The following ABCA3 variants were observed in gnomAD, a reference collection of about 807,000 sequenced individuals.
The protein encoded by ABCA3 is phospholipid-transporting ATPase ABCA3.
A neutral mutation model predicts 172.8 loss-of-function variants in ABCA3; 88 were observed. That is an observed-to-expected ratio of 0.51 (90% CI 0.43 to 0.61). ABCA3 has a LOEUF of 0.61. Ranked by LOEUF, ABCA3 falls within the 20% of genes least tolerant of loss-of-function variation. The pLI is 0.00. For missense variants in ABCA3, 2,164 were observed against 2,301.0 expected (o/e 0.94, Z 1.22); for synonymous variants, 1,066 against 983.8 (o/e 1.08, Z -1.56).
At chr16:2,295,254 C>T (rs932769412) in intron 18 of ABCA3, among the ~76,000 whole-genome samples, 3 of 152,190 alleles carry the variant, frequency 2.0e-5, no homozygotes, top group African/African-American at 2.4e-5. Context: ...CTCGGTTTCA[C>T]GAGTAGTTCT....
chr16:2,280,176 C>T (rs1024110907), intron 28 of ABCA3, among the ~76,000 whole-genome samples: 5 of 152,244 alleles, frequency 3.3e-5, no homozygotes, highest in African/African-American at 9.6e-5. Flanking sequence ...CTCACCCTCT[C>T]CTCCATTGCT....
Position 2,308,422 on chromosome 16 carries a change from G to C in ABCA3, c.1285+28C>G, listed in dbSNP as rs779407914. On this transcript the variant is annotated intron_variant, in intron 11 of 32. Coordinates refer to ENST00000301732, the MANE Select transcript of ABCA3 (RefSeq NM_001089.3). ...CTCTCGAAGGTTACTGATTCGGAAA[G>C]AACAGGCTGGACAAGGCAAACACTC... 4.3e-6 allele frequency: 7 copies of C among 1,613,692 alleles called. No individual in the cohort carries two copies. In the Admixed American group the frequency reaches 5.0e-5, roughly 12 times the overall value.
chr16:2,339,983 C>A (rs2093757954), intron 1 of ABCA3, among the ~76,000 whole-genome samples: 1 of 152,276 alleles, frequency 6.6e-6, no homozygotes, highest in Admixed American at 6.5e-5. Context: ...GCTCCCCTTT[C>A]CCGTTCCCAC....
Position 2,317,682 on chromosome 16 carries a change from G to A in ABCA3, c.956C>T (p.Ala319Val), listed in dbSNP as rs2093718407. 2 of 1,614,252 alleles carry A rather than the reference G, an allele frequency of 1.2e-6. No individual in the cohort carries two copies. The highest frequency in any genetic ancestry group is 4.5e-5 in the East Asian group (2 of 44,884). Residue 319 changes from alanine (A) to valine (V), a missense_variant, in exon 9 of 33, where the codon GCC becomes GTC. Around this residue, in one of 3 missense-constraint regions of ABCA3, gnomAD observed 1,343 missense variants for 1,369.6 expected, o/e 0.98. Coordinates refer to ENST00000301732, the MANE Select transcript of ABCA3 (RefSeq NM_001089.3). Reference protein sequence around the residue: ...FLLFFLFLLIAASFMTLLFCV... With the variant: ...FLLFFLFLLIVASFMTLLFCV... ...GAAGAGCAGGGTCATGAAGGAGGCG[G>A]CGATGAGGAGGAAGAGGAAGAACAA...
At chr16:2,319,186 C>T (rs1409331240) in intron 8 of ABCA3, among the ~76,000 whole-genome samples, 1 of 151,760 alleles carries the variant, frequency 6.6e-6, no homozygotes, top group Non-Finnish European at 1.5e-5. Context: ...CCAGCCTTGG[C>T]AATATAGAAA....
chr16:2,323,565 GGTTT>G lies in ABCA3; in HGVS notation c.567_570del (p.Asn190GlnfsTer48). The G allele has an allele frequency of 6.2e-7, 1 of 1,614,160 alleles. No homozygotes were observed. The highest frequency in any genetic ancestry group is 8.5e-7 in the Non-Finnish European group (1 of 1,180,026). On this transcript the variant is annotated frameshift_variant, in exon 7 of 33. Transcript: ENST00000301732. LOFTEE classifies it high-confidence loss of function. ...GGGGATGTAGGTTCCCTTGGTCCTG[GGTTT>G]GGGAAAAGCGGGAAAAGGGAAGTAG...
Position 2,279,089 on chromosome 16 carries a change from C to A in ABCA3, c.4401G>T (p.Leu1467Phe). ...RIGYCPQFDALLDHMTGREML... is the reference protein window; with the variant it reads ...RIGYCPQFDAFLDHMTGREML... ...TCTCCCGGCCTGTCATGTGGTCCAG[C>A]AAGGCATCAAACTGCGGGCAGTAGC... The change falls in exon 29 of 33, where the codon TTG (leucine) becomes TTT (phenylalanine). Residue 1467 changes from leucine to phenylalanine, a missense_variant. Physicochemically the swap from Leu to Phe is conservative, Grantham distance 22. Around this residue, in one of 3 missense-constraint regions of ABCA3, gnomAD observed 795 missense variants for 881.9 expected, o/e 0.90. Coordinates refer to ENST00000301732, the MANE Select transcript of ABCA3 (RefSeq NM_001089.3). This position sits in a 1 kb window ranked among gnomAD's most constrained non-coding sequence, Gnocchi z 4.4. The A allele has an allele frequency of 6.2e-7, 1 of 1,612,684 alleles. No individual in the cohort carries two copies. The highest frequency in any genetic ancestry group is 8.5e-7 in the Non-Finnish European group (1 of 1,180,016).
At chr16:2,295,803 C>G in intron 17 of ABCA3, 63 bp from the exon 18 acceptor site, 1 of 1,609,562 alleles carries the variant, frequency 6.2e-7, no homozygotes, top group Non-Finnish European at 8.5e-7. Flanking sequence ...ATGCCCACCC[C>G]GGGGTCTCTA....
Position 2,277,779 on chromosome 16 carries a change from C to T in ABCA3, c.4909+100G>A. On this transcript the variant is annotated intron_variant, in intron 31 of 32. Coordinates refer to ENST00000301732, the MANE Select transcript of ABCA3 (RefSeq NM_001089.3). This position sits in a 1 kb window ranked among gnomAD's most constrained non-coding sequence, Gnocchi z 5.3. ...CGTCCCAGGGATTGGGGAGATGGGA[C>T]TTGGCGGGGCGAGGCACAGACGCTC... 3 of 1,591,674 alleles carry T rather than the reference C, an allele frequency of 1.9e-6. No homozygotes were observed. The highest frequency in any genetic ancestry group is 2.6e-6 in the Non-Finnish European group (3 of 1,168,068).
At chr16:2,302,719 A>C (rs143659664) in intron 12 of ABCA3, among the ~76,000 whole-genome samples, 12 of 152,128 alleles carry the variant, frequency 7.9e-5, no homozygotes, top group African/African-American at 2.9e-4. Context: ...TCCTGGCCTC[A>C]AGTCATCCTT....
rs765714461 is a variant in ABCA3 at position 2,278,384 on chromosome 16, G to A, written c.4622C>T (p.Pro1541Leu). ...GGCCACGGGGTCCATGCCAGTGGAC[G>A]GCTCGTCCAGGAAGATGACAGCAGG... ...GEPAVIFLDE[P>L]STGMDPVARR... Residue 1541 changes from proline (P) to leucine (L), a missense_variant, in exon 30 of 33, where the codon CCG (proline) becomes CTG (leucine). Pro to Leu is a moderately conservative substitution (Grantham distance 98). This residue lies in a region of ABCA3 where 795 missense variants were observed against 881.9 expected (regional missense o/e 0.90). Coordinates refer to ENST00000301732, the MANE Select transcript of ABCA3 (RefSeq NM_001089.3). This position sits in a 1 kb window ranked among gnomAD's most constrained non-coding sequence, Gnocchi z 4.4. 5 of 1,612,724 alleles carry A rather than the reference G, an allele frequency of 3.1e-6. No individual in the cohort carries two copies. Among genetic ancestry groups the A allele is most frequent in the Admixed American group, 1.7e-5 (1 of 60,028 alleles).
chr16:2,276,889 G>T, intron 32 of ABCA3, 84 bp from the exon 33 acceptor site: 1 of 1,564,684 alleles, frequency 6.4e-7, no homozygotes, highest in Non-Finnish European at 8.7e-7. Context: ...GGCAATAGGG[G>T]CTGATGAGGC....
Position 2,284,937 on chromosome 16 carries a change from AG to A in ABCA3, c.3544del (p.Leu1182CysfsTer17), listed in dbSNP as rs1360323164. On this transcript the variant is annotated frameshift_variant, in exon 24 of 33. Coordinates refer to ENST00000301732, the MANE Select transcript of ABCA3 (RefSeq NM_001089.3). LOFTEE classifies it high-confidence loss of function. This position sits in a 1 kb window ranked among gnomAD's most constrained non-coding sequence, Gnocchi z 5.9. ...FTRDGHMADTLLLLLLYGWAI... is the reference protein window; with the variant it reads ...FTRDGHMADTXLLLLLYGWAI... ...CCAGCCGTAGAGCAGGAGCAGCAGC[AG>A]GGTGTCAGCCATGTGGCCGTCCCGC... The A allele has an allele frequency of 6.2e-7, 1 of 1,613,820 alleles. No individual in the cohort carries two copies. The highest frequency in any genetic ancestry group is 8.5e-7 in the Non-Finnish European group (1 of 1,180,024).
At chr16:2,317,198 T>G in intron 10 of ABCA3, 85 bp downstream of exon 10, 1 of 1,592,112 alleles carries the variant, frequency 6.3e-7, no homozygotes, top group Non-Finnish European at 8.6e-7. Context: ...CCACTCTCCC[T>G]TCCGATCACA....
chr16:2,300,296 C>A (rs1418309121), intron 12 of ABCA3, 148 bp from the exon 13 acceptor site: 1 of 1,125,092 alleles, frequency 8.9e-7, no homozygotes, highest in African/African-American at 1.5e-5. Flanking sequence ...CAGGGAGAGC[C>A]CCAGAGAGTC....
In ABCA3 at chr16:2,281,530, C is replaced by T. The variant is rs1168723806; in HGVS notation, c.4036-21G>A. Reference sequence around the variant, plus strand: ...TCTGTCTGATTGACCAGGACAAAGACCGCATGCGTGAACCCAGCCGCAGGG... The same window carrying T: ...TCTGTCTGATTGACCAGGACAAAGATCGCATGCGTGAACCCAGCCGCAGGG... On this transcript the variant is annotated intron_variant, in intron 26 of 32. Coordinates refer to ENST00000301732, the MANE Select transcript of ABCA3 (RefSeq NM_001089.3). This position sits in a 1 kb window ranked among gnomAD's most constrained non-coding sequence, Gnocchi z 4.7. 6.2e-6 allele frequency: 10 copies of T among 1,611,492 alleles called. No individual in the cohort carries two copies. Among genetic ancestry groups the T allele is most frequent in the Non-Finnish European group, 6.8e-6 (8 of 1,179,192 alleles).
chr16:2,290,060 G>A (rs1342091446), intron 19 of ABCA3, among the ~76,000 whole-genome samples: 1 of 151,696 alleles, frequency 6.6e-6, no homozygotes, highest in Non-Finnish European at 1.5e-5. Context: ...GCAGGCAGGA[G>A]GCACCCCCCG....
At chr16:2,301,967 G>A (rs181844665) in intron 12 of ABCA3, among the ~76,000 whole-genome samples, 280 of 152,360 alleles carry the variant, frequency 1.8e-3, no homozygotes, top group Admixed American at 3.3e-3. Flanking sequence ...CACCTGGCCC[G>A]CCCAGGGCGG....
At chr16:2,331,178 C>T (rs1454815798) in intron 1 of ABCA3, among the ~76,000 whole-genome samples, 3 of 152,128 alleles carry the variant, frequency 2.0e-5, no homozygotes, top group South Asian at 2.1e-4. Flanking sequence ...AAAAAGACCC[C>T]TAAGCCCCAT....
Sources: allele counts gnomAD v4.1 joint callset (sites outside exome capture counted in the v4.1 genomes callset), GRCh38; gene constraint gnomAD v4.1.1; regional missense constraint gnomAD v4.1.1; non-coding constraint Gnocchi (gnomAD v3.1); transcripts MANE v1.5; gene names NCBI Gene and HGNC (gene_info 2026-07-23, HGNC 2026-07-21).